OCA2: variants seen among roughly 807,000 people sequenced by gnomAD.
OCA2 encodes P protein.
Under a neutral mutation model 100.2 loss-of-function variants are expected in OCA2, and 77 were observed. The ratio of observed to expected loss-of-function variants is 0.77; its 90% CI spans 0.64 to 0.93. The LOEUF (loss-of-function observed/expected upper bound fraction) is 0.93. Ranked by LOEUF, OCA2 falls within the 40% of genes least tolerant of loss-of-function variation. OCA2 has a pLI of 0.00. For synonymous variants in OCA2, 432 were observed against 439.2 expected, an observed-to-expected ratio of 0.98 and a Z score of 0.21; for missense variants, 1,062 against 1,089.1, an observed-to-expected ratio of 0.98 and a Z score of 0.35.
At chr15:27,887,617 C>CTTTT (rs34199755) in intron 19 of OCA2, among the ~76,000 whole-genome samples, 11 of 120,280 alleles carry the variant, frequency 9.1e-5, no homozygotes, top group Middle Eastern at 4.5e-3. Flanking sequence ...CACTAAACCT[C>CTTTT]TTTTTTTTTT....
intron 19 of OCA2, 68 bp from the exon 20 acceptor site, chr15:27,871,990 G>A (rs2036597748): frequency 8.2e-7 from 1 of 1,220,880 alleles, no homozygotes. Context: ...TAAAAAAAAA[G>A]TCTTGAAAAT....
At chr15:27,935,149 T>C (rs932046803) in intron 18 of OCA2, among the ~76,000 whole-genome samples, 3 of 152,192 alleles carry the variant, frequency 2.0e-5, no homozygotes, top group Non-Finnish European at 4.4e-5. Context: ...TCACATTCTA[T>C]TACAAATTCT....
chr15:28,004,109 T>C (rs1321357024), intron 9 of OCA2, among the ~76,000 whole-genome samples: 1 of 152,222 alleles, frequency 6.6e-6, no homozygotes, highest in Non-Finnish European at 1.5e-5. Flanking sequence ...GATCCTTCCA[T>C]TTACCAAAGT....
intron 23 of OCA2, among the ~76,000 whole-genome samples, chr15:27,787,768 G>T (rs1398950510): frequency 6.6e-6 from 1 of 151,162 alleles, no homozygotes; most frequent in Non-Finnish European, 1.5e-5. Flanking sequence ...CCTTCCAATT[G>T]ACTTTAATTT....
At chr15:27,836,078 C>A (rs2035139944) in intron 23 of OCA2, among the ~76,000 whole-genome samples, 1 of 152,206 alleles carries the variant, frequency 6.6e-6, no homozygotes, top group Admixed American at 6.5e-5. Flanking sequence ...CCTCAGACAG[C>A]CCTGCGATGC....
chr15:27,861,948 T>TC (rs889273565), intron 21 of OCA2, among the ~76,000 whole-genome samples: 1 of 151,704 alleles, frequency 6.6e-6, no homozygotes, highest in African/African-American at 2.4e-5. Flanking sequence ...GAGCCAGACA[T>TC]CCCCCCACAC....
intron 10 of OCA2, among the ~76,000 whole-genome samples, chr15:27,990,274 C>T (rs1270223135): frequency 2.0e-5 from 3 of 152,198 alleles, no homozygotes; most frequent in Non-Finnish European, 4.4e-5. Context: ...AGTTCCAACA[C>T]CCAGATCCAG....
At chr15:27,988,865 T>C (rs541148783) in intron 11 of OCA2, among the ~76,000 whole-genome samples, 42 of 152,222 alleles carry the variant, frequency 2.8e-4, no homozygotes, top group African/African-American at 9.9e-4. Flanking sequence ...GGCGGCACGG[T>C]TTCCATCAGG....
At chr15:27,927,484 T>G (rs549142552) in intron 18 of OCA2, among the ~76,000 whole-genome samples, 2 of 152,364 alleles carry the variant, frequency 1.3e-5, no homozygotes, top group South Asian at 4.1e-4. Context: ...AGTTTTTGTA[T>G]GTACACATGC....
chr15:27,995,113 C>T (rs774538674), intron 9 of OCA2, among the ~76,000 whole-genome samples: 5 of 152,088 alleles, frequency 3.3e-5, no homozygotes, highest in African/African-American at 4.8e-5. Context: ...ACCAGAGCAC[C>T]TAAATATGCA....
the OCA2 span, among the ~76,000 whole-genome samples, chr15:27,735,898 T>C: frequency 6.6e-6 from 1 of 152,194 alleles, no homozygotes; most frequent in Admixed American, 6.5e-5. Context: ...AAGGAGTTAT[T>C]TAAGCTGAAA....
At chr15:27,915,178 C>A (rs1277059706) in intron 19 of OCA2, among the ~76,000 whole-genome samples, 2 of 152,050 alleles carry the variant, frequency 1.3e-5, no homozygotes, top group African/African-American at 4.8e-5. Flanking sequence ...TGAAACCAGA[C>A]CCCTTCCTTC....
rs66644405 is a variant in OCA2, at chr15:27,943,671, T to TAAAAA, written c.1951+8108_1951+8112dup. Among the ~76,000 whole-genome samples the TAAAAA allele has an allele frequency of 7.7e-4, 88 of 114,880 alleles. 1 individual carries two copies. In the East Asian group the frequency reaches 9.1e-3, roughly 12 times the overall value. 75.4% of individuals were successfully genotyped at this position (114,880 alleles called of 152,430 possible). A position where few individuals can be genotyped will look rare whatever the true frequency, so the allele number is the denominator to read the frequency against. ...GTGCCCTAAAACTTAAAGTATAATT[T>TAAAAA]AAAAAAAAAAAAAAAAAAAACCTTG... On this transcript the variant is annotated intron_variant, in intron 18 of 23. Coordinates refer to ENST00000354638, the MANE Select transcript of OCA2 (RefSeq NM_000275.3).
At chr15:27,917,667 G>C (rs2038715695) in intron 19 of OCA2, among the ~76,000 whole-genome samples, 1 of 152,146 alleles carries the variant, frequency 6.6e-6, no homozygotes, top group Non-Finnish European at 1.5e-5. Flanking sequence ...CTCATAGAGG[G>C]GGGAAGCAAG....
chr15:28,055,502 T>C (rs2043663484), intron 2 of OCA2, among the ~76,000 whole-genome samples: 2 of 152,196 alleles, frequency 1.3e-5, no homozygotes. Context: ...TTCACGTAGG[T>C]ACTGAACATC....
intron 9 of OCA2, among the ~76,000 whole-genome samples, chr15:28,005,343 A>G (rs1380747262): frequency 6.6e-6 from 1 of 152,124 alleles, no homozygotes; most frequent in Admixed American, 6.5e-5. Flanking sequence ...CTCCATTGGC[A>G]AAACCGGAGC....
intron 14 of OCA2, among the ~76,000 whole-genome samples, chr15:27,973,660 T>C (rs1195790129): frequency 6.6e-6 from 1 of 152,212 alleles, no homozygotes; most frequent in Non-Finnish European, 1.5e-5. Context: ...CTTTGGCGGC[T>C]ATTCAGGCTC....
At chr15:28,085,208 C>T (rs2044757145) in intron 1 of OCA2, among the ~76,000 whole-genome samples, 2 of 152,182 alleles carry the variant, frequency 1.3e-5, no homozygotes. Flanking sequence ...CGCACCTCCC[C>T]AGACAGTGTA....
intron 23 of OCA2, among the ~76,000 whole-genome samples, chr15:27,833,303 A>G (rs1421880236): frequency 6.6e-6 from 1 of 152,214 alleles, no homozygotes; most frequent in Non-Finnish European, 1.5e-5. Context: ...TGCTATCGTG[A>G]CAGTACACAT....
Sources: allele counts gnomAD v4.1 joint callset (sites outside exome capture counted in the v4.1 genomes callset), GRCh38; gene constraint gnomAD v4.1.1; transcripts MANE v1.5; gene names NCBI Gene and HGNC (gene_info 2026-07-23, HGNC 2026-07-21).